MS4A4E: variants seen among roughly 807,000 people sequenced by gnomAD.
MS4A4E encodes putative membrane-spanning 4-domains subfamily A member 4E.
A neutral mutation model predicts 13.3 loss-of-function variants in MS4A4E; 23 were observed. The observed-to-expected ratio is 1.73, with a 90% CI of 1.25 to 2.45. The LOEUF (loss-of-function observed/expected upper bound fraction) is 2.45. Among genes scored for constraint, MS4A4E ranks in the 30% most tolerant of loss-of-function variants. The probability of loss-of-function intolerance (pLI) is 0.00; values close to 1 mark genes in which losing one functional copy is unlikely to be tolerated. For missense variants in MS4A4E, 144 were observed against 131.2 expected, an observed-to-expected ratio of 1.10 and a Z score of -0.48; for synonymous variants, 36 against 45.6, an observed-to-expected ratio of 0.79 and a Z score of 0.85.
intron 3 of MS4A4E, among the ~76,000 whole-genome samples, chr11:60,215,291 G>A (rs2084178091): frequency 6.6e-6 from 1 of 151,740 alleles, no homozygotes. Flanking sequence ...GATGATTCAT[G>A]TTATCTAAAT....
intron 6 of MS4A4E, among the ~76,000 whole-genome samples, chr11:60,207,842 G>T (rs193255645): frequency 1.6e-4 from 24 of 152,232 alleles, no homozygotes; most frequent in Admixed American, 4.6e-4. Flanking sequence ...TAACTGCCAG[G>T]AGCATCTGCT....
rs187569014 is a variant in MS4A4E, at chr11:60,230,187, T to A, written c.-16-116A>T. On this transcript the variant is annotated intron_variant, in intron 1 of 8. Coordinates refer to ENST00000651255, the MANE Select transcript of MS4A4E (RefSeq NM_001393391.1). ...ACCTGGTCTACATTCCCCTCCAATA[T>A]TATAACAGTTGTTAGAGCTAGGGAA... 262 of 1,163,984 alleles carry A rather than the reference T, an allele frequency of 2.3e-4. 3 individuals carry two copies. In the East Asian group the frequency reaches 6.9e-3, roughly 31 times the overall value. The allele number at this position is 1,163,984 out of a possible 1,614,324, so 72.1% of individuals were successfully genotyped here. A position where few individuals can be genotyped will look rare whatever the true frequency, so the allele number is the denominator to read the frequency against.
chr11:60,218,717 G>T (rs2084228388), intron 3 of MS4A4E, among the ~76,000 whole-genome samples: 1 of 152,134 alleles, frequency 6.6e-6, no homozygotes, highest in South Asian at 2.1e-4. Flanking sequence ...TATAACTAAA[G>T]TCCCAGCAGG....
At chr11:60,217,234 GC>G (rs2084207946) in intron 3 of MS4A4E, among the ~76,000 whole-genome samples, 1 of 152,146 alleles carries the variant, frequency 6.6e-6, no homozygotes, top group Non-Finnish European at 1.5e-5. Flanking sequence ...TCAGACACAA[GC>G]TTTTATCATG....
intron 1 of MS4A4E, among the ~76,000 whole-genome samples, chr11:60,233,769 G>T (rs2084444303): frequency 1.3e-5 from 2 of 152,244 alleles, no homozygotes; most frequent in South Asian, 4.1e-4. Context: ...GGAATGCGGA[G>T]TCAGAGCCAA....
At chr11:60,235,815 T>TATCTAAAATTTGTGTTCTGCTCACAGG (rs2084476304) in intron 1 of MS4A4E, among the ~76,000 whole-genome samples, 2 of 152,294 alleles carry the variant, frequency 1.3e-5, no homozygotes, top group South Asian at 4.1e-4. Flanking sequence ...CTTTGCTCTA[T>TATCTAAAATTTGTGTTCTGCTCACAGG]ATCTAAAATT....
At chr11:60,227,529 T>G (rs989705619) in intron 3 of MS4A4E, among the ~76,000 whole-genome samples, 2 of 151,966 alleles carry the variant, frequency 1.3e-5, no homozygotes, top group African/African-American at 4.8e-5. Context: ...CCAGCCTGGG[T>G]GACAGCGCCA....
At chr11:60,210,026 A>G (rs1265021016) in intron 5 of MS4A4E, among the ~76,000 whole-genome samples, 2 of 152,234 alleles carry the variant, frequency 1.3e-5, no homozygotes, top group Admixed American at 1.3e-4. Context: ...TACCATCTAG[A>G]AGTGTAGACT....
At chr11:60,234,895 A>G (rs1264697723) in intron 1 of MS4A4E, among the ~76,000 whole-genome samples, 1 of 149,982 alleles carries the variant, frequency 6.7e-6, no homozygotes, top group Admixed American at 6.7e-5. Context: ...AAAAAAAAAC[A>G]GATCTATATG....
At chr11:60,219,896 G>A (rs12363802) in intron 3 of MS4A4E, among the ~76,000 whole-genome samples, 14,282 of 152,202 alleles carry the variant, frequency 0.094, 867 homozygotes, top group South Asian at 0.15. Context: ...TTTAGCTCAG[G>A]TTCAACTTAC....
At chr11:60,222,677 G>T (rs1054285996) in intron 3 of MS4A4E, among the ~76,000 whole-genome samples, 1 of 152,154 alleles carries the variant, frequency 6.6e-6, no homozygotes, top group African/African-American at 2.4e-5. Context: ...ACTATGTTCT[G>T]CTGGCCTAGA....
chr11:60,208,610 A>G lies in MS4A4E; in HGVS notation c.466T>C (p.Cys156Arg). The change falls in exon 6 of 9, where the codon TGT becomes CGT. Residue 156 changes from cysteine to arginine, a missense_variant. Cys to Arg is a radical substitution (Grantham distance 180). Transcript: ENST00000651255. ...ALSAFGCKVLCCSPSESKNKI... is the reference protein window; with the variant it reads ...ALSAFGCKVLRCSPSESKNKI... ...ATACTGACCTCACTGGGGCTACAAC[A>G]AAGCACTTTACATCCAAAGGCAGAG... 7.1e-7 allele frequency: 1 copy of G among 1,405,226 alleles called. No individual in the cohort carries two copies. Among genetic ancestry groups the G allele is most frequent in the Non-Finnish European group, 1.0e-6 (1 of 1,000,224 alleles). 87.0% of individuals were successfully genotyped at this position (1,405,226 alleles called of 1,614,324 possible).
rs2084320012 is a variant in MS4A4E at position 60,224,865 on chromosome 11, T to A, written c.178+3729A>T. The A allele has an allele frequency of 4.7e-6, 5 of 1,074,600 alleles. No individual in the cohort carries two copies. The South Asian group carries it at 1.0e-4, about 22-fold the overall frequency. 66.6% of individuals were successfully genotyped at this position (1,074,600 alleles called of 1,614,324 possible). ...AAAGGTTAGATACCATTCTCAAATT[T>A]ACAGAATTACAAGATAGAATTAGAA... On this transcript the variant is annotated intron_variant, in intron 3 of 8. Coordinates refer to ENST00000651255, the MANE Select transcript of MS4A4E (RefSeq NM_001393391.1).
intron 5 of MS4A4E, among the ~76,000 whole-genome samples, chr11:60,211,670 T>C (rs1172263562): frequency 6.6e-6 from 1 of 152,208 alleles, no homozygotes; most frequent in African/African-American, 2.4e-5. Flanking sequence ...CCCAGCAGTT[T>C]AGGAGGCCGA....
intron 3 of MS4A4E, chr11:60,225,153 C>T: frequency 4.3e-6 from 6 of 1,390,804 alleles, no homozygotes; most frequent in African/African-American, 1.4e-5. Flanking sequence ...TATGCCACTC[C>T]CTTTCCAATC....
At chr11:60,221,389 T>G (rs584469) in intron 3 of MS4A4E, among the ~76,000 whole-genome samples, 1 of 151,998 alleles carries the variant, frequency 6.6e-6, no homozygotes, top group Non-Finnish European at 1.5e-5. Flanking sequence ...TCCCCATTCC[T>G]GCCACACTGC....
chr11:60,241,317 C>T (rs1477437063), intron 1 of MS4A4E, among the ~76,000 whole-genome samples: 1 of 152,210 alleles, frequency 6.6e-6, no homozygotes, highest in Non-Finnish European at 1.5e-5. Context: ...AGCCACCGCA[C>T]CCGGCCTATT....
chr11:60,232,419 C>A (rs2084423769), intron 1 of MS4A4E, among the ~76,000 whole-genome samples: 1 of 152,040 alleles, frequency 6.6e-6, no homozygotes, highest in South Asian at 2.1e-4. Context: ...AGCACAGAAA[C>A]CCAGAATGGC....
chr11:60,241,859 C>T (rs931437897), intron 1 of MS4A4E, among the ~76,000 whole-genome samples: 27 of 152,198 alleles, frequency 1.8e-4, no homozygotes, highest in Admixed American at 9.2e-4. Context: ...ACTACAATGT[C>T]TTCCCCGCCC....
Sources: allele counts gnomAD v4.1 joint callset (sites outside exome capture counted in the v4.1 genomes callset), GRCh38; gene constraint gnomAD v4.1.1; transcripts MANE v1.5; gene names NCBI Gene and HGNC (gene_info 2026-07-23, HGNC 2026-07-21).